CCBE1: variants seen among roughly 807,000 people sequenced by gnomAD.
CCBE1 encodes collagen and calcium binding EGF domains 1.
In CCBE1, 37 loss-of-function variants were observed where a neutral mutation model predicts 50.0. The ratio of observed to expected loss-of-function variants is 0.74; its 90% CI spans 0.57 to 0.97. The LOEUF (loss-of-function observed/expected upper bound fraction) is 0.97. Ranked by LOEUF, CCBE1 falls within the 50% of genes least tolerant of loss-of-function variation. The pLI, the probability that CCBE1 is intolerant of heterozygous loss-of-function variation, is 0.00. For missense variants in CCBE1, 538 were observed against 523.8 expected (o/e 1.03, Z -0.26); for synonymous variants, 234 against 203.7 (o/e 1.15, Z -1.27).
intron 2 of CCBE1, chr18:59,666,241 C>T (rs764032198): frequency 8.5e-5 from 13 of 152,178 alleles, no homozygotes; most frequent in East Asian, 3.9e-4. Flanking sequence ...GAGAACGGCA[C>T]GGGAAAAACC....
chr18:59,472,394 G>A (rs1568158524), intron 3 of CCBE1, among the ~76,000 whole-genome samples: 1 of 152,180 alleles, frequency 6.6e-6, no homozygotes, highest in Non-Finnish European at 1.5e-5. Context: ...AGTGGTGAAG[G>A]CTCTGTTTCT....
intron 5 of CCBE1, among the ~76,000 whole-genome samples, chr18:59,461,254 G>A (rs7240905): frequency 0.16 from 24,083 of 149,602 alleles, 2,169 homozygotes; most frequent in Admixed American, 0.2. Flanking sequence ...CCCCTTCCCC[G>A]CCACCACTGG....
rs10661714 is a variant in CCBE1, at chr18:59,549,102, C to CA, written c.213-68865dup. ...TGGGCAACAGAATAAGACTCCGTCTCAAAAAAAAAAAAAAAAAAATTCACT... is the reference window on the plus strand; with the variant it reads ...TGGGCAACAGAATAAGACTCCGTCTCAAAAAAAAAAAAAAAAAAAATTCACT... On this transcript the variant is annotated intron_variant, in intron 2 of 10. Transcript: ENST00000439986. 7.2e-3 allele frequency among the ~76,000 whole-genome samples: 828 copies of CA among 115,768 alleles called. 9 individuals carry two copies. The highest frequency in any genetic ancestry group is 0.014 in the Middle Eastern group (3 of 218). The allele number at this position is 115,768 out of a possible 152,430, so 75.9% of individuals were successfully genotyped here. A position where few individuals can be genotyped will look rare whatever the true frequency, so the allele number is the denominator to read the frequency against.
At position 59,477,538 on chromosome 18, in the gene CCBE1, C is replaced by CTGTG. The variant is rs55840819; in HGVS notation, c.265+2644_265+2647dup. Among the ~76,000 whole-genome samples, 540 of 149,984 alleles carry CTGTG rather than the reference C, an allele frequency of 3.6e-3. 3 individuals carry two copies. The highest frequency in any genetic ancestry group is 0.011 in the African/African-American group (466 of 41,110). On this transcript the variant is annotated intron_variant, in intron 3 of 10. Transcript: ENST00000439986. ...CTTTCCATGGATTATTTCCATGTCT[C>CTGTG]TGTGTGTGTGTGTGTGTGTGTGTGT...
intron 6 of CCBE1, among the ~76,000 whole-genome samples, chr18:59,453,606 A>C (rs1911041640): frequency 6.6e-6 from 1 of 152,116 alleles, no homozygotes; most frequent in African/African-American, 2.4e-5. Context: ...TGTGGTTTTC[A>C]TTAGGGGCTG....
chr18:59,678,423 T>A (rs890195246), intron 2 of CCBE1, among the ~76,000 whole-genome samples: 4 of 152,188 alleles, frequency 2.6e-5, no homozygotes, highest in Admixed American at 2.6e-4. Flanking sequence ...TGACTCTGAA[T>A]AGGTAAAATG....
chr18:59,681,359 A>G (rs1245840255), intron 2 of CCBE1, among the ~76,000 whole-genome samples: 1 of 152,274 alleles, frequency 6.6e-6, no homozygotes, highest in African/African-American at 2.4e-5. Flanking sequence ...TATAAGAAAC[A>G]TACTAAGTCC....
intron 3 of CCBE1, among the ~76,000 whole-genome samples, chr18:59,479,693 G>C (rs537388066): frequency 6.6e-6 from 1 of 152,260 alleles, no homozygotes; most frequent in South Asian, 2.1e-4. Context: ...CCCCATCCTG[G>C]CTTCTCAACT....
intron 1 of CCBE1, 83 bp downstream of exon 1, chr18:59,697,128 GC>G (rs2054818805): frequency 6.5e-7 from 1 of 1,529,906 alleles, no homozygotes; most frequent in South Asian, 1.2e-5. Context: ...GTGGGAGTGG[GC>G]GCCGGGGAGG....
At chr18:59,584,617 G>T (rs1175225548) in intron 2 of CCBE1, among the ~76,000 whole-genome samples, 2 of 152,174 alleles carry the variant, frequency 1.3e-5, no homozygotes, top group Non-Finnish European at 2.9e-5. Context: ...CTGGTCTTGT[G>T]ATAGAGTTCT....
At chr18:59,691,932 T>C (rs1158109288) in intron 2 of CCBE1, among the ~76,000 whole-genome samples, 1 of 152,148 alleles carries the variant, frequency 6.6e-6, no homozygotes, top group Non-Finnish European at 1.5e-5. Flanking sequence ...ATGAAAGTGG[T>C]GTAACTTCAA....
At chr18:59,573,615 C>T (rs931079813) in intron 2 of CCBE1, among the ~76,000 whole-genome samples, 3 of 151,826 alleles carry the variant, frequency 2.0e-5, no homozygotes, top group Non-Finnish European at 2.9e-5. Flanking sequence ...ACACTCTTTT[C>T]TCACCATTTT....
At position 59,435,926 on chromosome 18, in the gene CCBE1, G is replaced by T; in HGVS notation, c.1203C>A (p.Pro401=). The T allele has an allele frequency of 6.2e-7, 1 of 1,614,036 alleles. No individual in the cohort carries two copies. The highest frequency in any genetic ancestry group is 8.5e-7 in the Non-Finnish European group (1 of 1,179,932). The change falls in exon 11 of 11, where the codon CCC becomes CCA. Residue 401 remains proline, a synonymous_variant. Transcript: ENST00000439986. The part of the protein sequence containing the change: ...RRTETRDLRA[P]RDFYP ...GGATGTGCTATGGGTAGAAGTCTCT[G>T]GGGGCTCTCAAGTCTCTTGTCTCAG...
chr18:59,545,978 C>T (rs1020632963), intron 2 of CCBE1, among the ~76,000 whole-genome samples: 8 of 152,166 alleles, frequency 5.3e-5, no homozygotes, highest in African/African-American at 1.7e-4. Flanking sequence ...ATCAACATCC[C>T]TATATAATGC....
Position 59,439,673 on chromosome 18 carries a change from T to C in CCBE1, c.915+4A>G. The C allele has an allele frequency of 6.2e-7, 1 of 1,614,254 alleles. No individual in the cohort carries two copies. Among genetic ancestry groups the C allele is most frequent in the Non-Finnish European group, 8.5e-7 (1 of 1,180,038 alleles). On this transcript the variant is annotated splice_donor_region_variant and intron_variant, in intron 8 of 10. Transcript: ENST00000439986. Reference sequence around the variant, plus strand: ...AGGAAGTGGATCTCTGATAAGATACTGACCACAGGGCCCCTCCGGCCTTGC... The same window carrying C: ...AGGAAGTGGATCTCTGATAAGATACCGACCACAGGGCCCCTCCGGCCTTGC...
chr18:59,684,795 G>A (rs754408337), intron 2 of CCBE1, among the ~76,000 whole-genome samples: 1 of 152,182 alleles, frequency 6.6e-6, no homozygotes, highest in African/African-American at 2.4e-5. Context: ...TACAGAGCTT[G>A]AGTTATAACT....
intron 2 of CCBE1, among the ~76,000 whole-genome samples, chr18:59,549,684 A>G (rs1288216092): frequency 6.6e-6 from 1 of 152,176 alleles, no homozygotes. Context: ...CAGCAGTCAA[A>G]TGTGCTGCAG....
chr18:59,514,050 T>TC (rs1266360207), intron 2 of CCBE1, among the ~76,000 whole-genome samples: 1 of 152,180 alleles, frequency 6.6e-6, no homozygotes, highest in Admixed American at 6.5e-5. Context: ...GTGGCTTTAC[T>TC]ATCCTTTCCA....
At chr18:59,621,811 T>C (rs2053713783) in intron 2 of CCBE1, among the ~76,000 whole-genome samples, 2 of 152,222 alleles carry the variant, frequency 1.3e-5, no homozygotes, top group South Asian at 4.1e-4. Flanking sequence ...TCTTTTAGTC[T>C]TTGCCTTAAT....
Sources: gnomAD v4.1 joint callset for allele counts (sites outside exome capture counted in the v4.1 genomes callset) on GRCh38, gnomAD v4.1.1 for gene constraint, MANE v1.5 for transcripts, NCBI Gene and HGNC (gene_info 2026-07-23, HGNC 2026-07-21) for gene names.